Variants in IQCJ observed in about 807,000 individuals in gnomAD.
IQCJ encodes the protein IQ motif containing J.
In IQCJ, 9 loss-of-function variants were observed where a neutral mutation model predicts 11.0. The ratio of observed to expected loss-of-function variants is 0.82; its 90% CI spans 0.49 to 1.43. The LOEUF (loss-of-function observed/expected upper bound fraction) is 1.43, where lower values mean the gene tolerates loss of function less well. Ranked by LOEUF, IQCJ falls within the 40% of genes most tolerant of loss-of-function variation. The pLI is 0.00. For synonymous variants in IQCJ, 55 were observed against 51.3 expected, an observed-to-expected ratio of 1.07 and a Z score of -0.31; for missense variants, 146 against 133.2, an observed-to-expected ratio of 1.10 and a Z score of -0.47.
At chr3:159,086,443 A>G (rs1716779844) in intron 1 of IQCJ, among the ~76,000 whole-genome samples, 2 of 152,232 alleles carry the variant, frequency 1.3e-5, no homozygotes, top group South Asian at 4.1e-4. Context: ...GTTTTTTCCA[A>G]TTCTTTGAAG....
intron 1 of IQCJ, among the ~76,000 whole-genome samples, chr3:159,219,309 TA>T (rs140040350): frequency 0.017 from 2,511 of 151,474 alleles, 74 homozygotes; most frequent in African/African-American, 0.057. Flanking sequence ...ACTTAGAATT[TA>T]AAAAAAAACT....
At chr3:159,170,514 A>G (rs1395783551) in intron 1 of IQCJ, among the ~76,000 whole-genome samples, 1 of 152,218 alleles carries the variant, frequency 6.6e-6, no homozygotes, top group Non-Finnish European at 1.5e-5. Flanking sequence ...ACTGCAGCCA[A>G]CAGGCCCTTA....
chr3:159,154,101 TA>T (rs1348387484), intron 1 of IQCJ, among the ~76,000 whole-genome samples: 1 of 152,244 alleles, frequency 6.6e-6, no homozygotes, highest in African/African-American at 2.4e-5. Flanking sequence ...AAAGTTCCTT[TA>T]AAAAGTTCCC....
chr3:159,215,514 T>C (rs1725176076), intron 1 of IQCJ, among the ~76,000 whole-genome samples: 1 of 152,046 alleles, frequency 6.6e-6, no homozygotes, highest in African/African-American at 2.4e-5. Flanking sequence ...AAAACCAACA[T>C]ACAATGAGAA....
intron 1 of IQCJ, among the ~76,000 whole-genome samples, chr3:159,223,831 A>G (rs1725689293): frequency 6.6e-6 from 1 of 152,184 alleles, no homozygotes; most frequent in African/African-American, 2.4e-5. Context: ...GTCATTTAAA[A>G]TATTGTATAA....
chr3:159,162,375 T>A (rs1721914597), intron 1 of IQCJ, among the ~76,000 whole-genome samples: 1 of 152,218 alleles, frequency 6.6e-6, no homozygotes, highest in Non-Finnish European at 1.5e-5. Context: ...TTTTGTACAT[T>A]GATTTTGTAT....
At chr3:159,191,473 G>A (rs968550010) in intron 1 of IQCJ, among the ~76,000 whole-genome samples, 1 of 152,156 alleles carries the variant, frequency 6.6e-6, no homozygotes, top group African/African-American at 2.4e-5. Flanking sequence ...TCCTCAGGGT[G>A]GGAGGGTGAT....
intron 1 of IQCJ, among the ~76,000 whole-genome samples, chr3:159,194,335 A>G (rs1014996787): frequency 6.6e-6 from 1 of 152,188 alleles, no homozygotes; most frequent in Non-Finnish European, 1.5e-5. Context: ...ACTGCATTAT[A>G]TTAACCATGT....
At chr3:159,199,395 T>C (rs542286497) in intron 1 of IQCJ, among the ~76,000 whole-genome samples, 1 of 152,284 alleles carries the variant, frequency 6.6e-6, no homozygotes, top group African/African-American at 2.4e-5. Context: ...CACTATGCAC[T>C]GGAAAAGAAA....
intron 1 of IQCJ, among the ~76,000 whole-genome samples, chr3:159,164,591 A>G (rs1428112775): frequency 3.9e-5 from 6 of 152,168 alleles, no homozygotes. Flanking sequence ...AACATGGTGA[A>G]ACCCTGTCTC....
chr3:159,255,619 G>C (rs1051474903), intron 3 of IQCJ, among the ~76,000 whole-genome samples: 5 of 152,282 alleles, frequency 3.3e-5, no homozygotes, highest in Middle Eastern at 3.4e-3. Context: ...AAATGTGTGA[G>C]TGTCGGGGAG....
intron 1 of IQCJ, among the ~76,000 whole-genome samples, chr3:159,163,522 G>T (rs146317059): frequency 6.6e-6 from 1 of 152,130 alleles, no homozygotes; most frequent in African/African-American, 2.4e-5. Flanking sequence ...ACAAGACAGG[G>T]ATGCCCTAAT....
At chr3:159,152,367 C>T (rs1721279451) in intron 1 of IQCJ, among the ~76,000 whole-genome samples, 1 of 152,118 alleles carries the variant, frequency 6.6e-6, no homozygotes, top group South Asian at 2.1e-4. Context: ...TCTGAGATCC[C>T]AGCATCCACT....
At chr3:159,148,538 C>T (rs760742871) in intron 1 of IQCJ, among the ~76,000 whole-genome samples, 1 of 152,186 alleles carries the variant, frequency 6.6e-6, no homozygotes, top group African/African-American at 2.4e-5. Flanking sequence ...TATCCAGGCT[C>T]ATTTTATCTG....
At chr3:159,171,842 G>A (rs1261278752) in intron 1 of IQCJ, among the ~76,000 whole-genome samples, 1 of 152,192 alleles carries the variant, frequency 6.6e-6, no homozygotes, top group Non-Finnish European at 1.5e-5. Context: ...GTCTGATTTA[G>A]TAGATGTGTG....
At chr3:159,112,593 T>C (rs1232251441) in intron 1 of IQCJ, among the ~76,000 whole-genome samples, 1 of 152,152 alleles carries the variant, frequency 6.6e-6, no homozygotes, top group African/African-American at 2.4e-5. Flanking sequence ...TCCCTGTCTC[T>C]GATCCTGAGG....
At chr3:159,073,941 C>T (rs1042233398) in intron 1 of IQCJ, among the ~76,000 whole-genome samples, 3 of 151,758 alleles carry the variant, frequency 2.0e-5, no homozygotes, top group East Asian at 1.9e-4. Flanking sequence ...AAGGTTGTGT[C>T]GGAATTTGTA....
chr3:159,079,909 G>A (rs1394504965), intron 1 of IQCJ, among the ~76,000 whole-genome samples: 2 of 151,970 alleles, frequency 1.3e-5, no homozygotes, highest in African/African-American at 4.8e-5. Context: ...AGGTCAAAGA[G>A]TAAATGCATT....
chr3:159,106,339 A>G (rs1718261249), intron 1 of IQCJ, among the ~76,000 whole-genome samples: 1 of 152,148 alleles, frequency 6.6e-6, no homozygotes, highest in African/African-American at 2.4e-5. Context: ...TAAACATGAG[A>G]GTTGTCTGTA....
Sources: gnomAD v4.1 joint callset for allele counts (sites outside exome capture counted in the v4.1 genomes callset) on GRCh38, gnomAD v4.1.1 for gene constraint, MANE v1.5 for transcripts, NCBI Gene and HGNC (gene_info 2026-07-23, HGNC 2026-07-21) for gene names.